Variants in ATP8B1 observed in about 807,000 individuals in gnomAD.
The protein encoded by ATP8B1 is ATPase phospholipid transporting 8B1.
A neutral mutation model predicts 149.9 loss-of-function variants in ATP8B1; 80 were observed. The observed-to-expected ratio is 0.53, with a 90% CI of 0.45 to 0.64. The LOEUF is 0.64. ATP8B1 is among the 30% of genes least tolerant of loss of function. The pLI is 0.00. For missense variants in ATP8B1, 1,247 were observed against 1,552.6 expected, an observed-to-expected ratio of 0.80 and a Z score of 3.31; for synonymous variants, 536 against 562.8, an observed-to-expected ratio of 0.95 and a Z score of 0.67.
intron 2 of ATP8B1, among the ~76,000 whole-genome samples, chr18:57,707,116 C>A (rs548734193): frequency 1.3e-5 from 2 of 152,226 alleles, no homozygotes; most frequent in South Asian, 4.1e-4. Context: ...ACCAGCCTGG[C>A]CAAGGTGGTG....
At chr18:57,795,302 C>T (rs1372840692) in intron 1 of ATP8B1, among the ~76,000 whole-genome samples, 1 of 151,764 alleles carries the variant, frequency 6.6e-6, no homozygotes, top group Admixed American at 6.6e-5. Flanking sequence ...ATTTGGGAGG[C>T]TGAAGCGGGA....
chr18:57,673,809 G>A (rs1048636331), intron 16 of ATP8B1, among the ~76,000 whole-genome samples: 12 of 151,990 alleles, frequency 7.9e-5, no homozygotes, highest in South Asian at 2.1e-4. Flanking sequence ...TTCAAATTAC[G>A]AATTTAAAGC....
At chr18:57,658,507 G>C (rs1910158904) in intron 22 of ATP8B1, among the ~76,000 whole-genome samples, 1 of 152,196 alleles carries the variant, frequency 6.6e-6, no homozygotes, top group Non-Finnish European at 1.5e-5. Context: ...GAAACATGGT[G>C]GGTCATGATT....
intron 1 of ATP8B1, among the ~76,000 whole-genome samples, chr18:57,794,790 CAAAAAGAA>C (rs1437557604): frequency 9.3e-6 from 1 of 107,392 alleles, no homozygotes; most frequent in Admixed American, 1.0e-4. Context: ...AACTCCGCCT[CAAAAAGAA>C]AGAAAGAAAG....
At chr18:57,679,000 A>G (rs3018223) in intron 15 of ATP8B1, among the ~76,000 whole-genome samples, 124,441 of 128,888 alleles carry the variant, frequency 0.97, 60,311 homozygotes, top group East Asian at 1. Flanking sequence ...ACCCGACTTC[A>G]ATTCCCAGCC....
In ATP8B1 at chr18:57,671,555, C is replaced by G. The variant is rs375040598; in HGVS notation, c.1845G>C (p.Lys615Asn). 1.9e-6 allele frequency: 3 copies of G among 1,613,748 alleles called. No homozygotes were observed. Among genetic ancestry groups the G allele is most frequent in the Non-Finnish European group, 2.5e-6 (3 of 1,179,812 alleles). ...CAGTGTCAGCACCTTTACAGTAAAG[C>G]TTGATATTGCCTTCTGGGGTTCTTA... Reference protein sequence around the residue: ...IIVRTPEGNIKLYCKGADTVI... With the variant: ...IIVRTPEGNINLYCKGADTVI... Residue 615 changes from lysine to asparagine, a missense_variant, in exon 17 of 28, where the codon AAG (lysine) becomes AAC (asparagine). Physicochemically the swap from Lys to Asn is moderately conservative, Grantham distance 94. Around this residue, in one of 3 missense-constraint regions of ATP8B1, gnomAD observed 853 missense variants for 1,035.7 expected, o/e 0.82. Coordinates refer to ENST00000648908, the MANE Select transcript of ATP8B1 (RefSeq NM_001374385.1).
intron 1 of ATP8B1, among the ~76,000 whole-genome samples, chr18:57,792,541 C>T (rs1003274032): frequency 6.6e-6 from 1 of 152,016 alleles, no homozygotes; most frequent in Non-Finnish European, 1.5e-5. Context: ...TGCCCGGAAT[C>T]GGCAAACCCA....
At chr18:57,664,409 G>T (rs1910725465) in intron 20 of ATP8B1, among the ~76,000 whole-genome samples, 2 of 150,974 alleles carry the variant, frequency 1.3e-5, no homozygotes, top group African/African-American at 4.9e-5. Context: ...GGGAGGCTGA[G>T]GCATGAGGAT....
intron 1 of ATP8B1, among the ~76,000 whole-genome samples, chr18:57,761,356 T>C (rs1005945577): frequency 1.3e-5 from 2 of 152,128 alleles, no homozygotes; most frequent in African/African-American, 4.8e-5. Context: ...GAGAGAACTA[T>C]TCTCTACTCT....
intron 2 of ATP8B1, among the ~76,000 whole-genome samples, chr18:57,727,690 G>A (rs1221616576): frequency 6.6e-6 from 1 of 152,190 alleles, no homozygotes; most frequent in African/African-American, 2.4e-5. Context: ...TTGGGAGGCT[G>A]AGGCAGGAGA....
intron 23 of ATP8B1, 21 bp downstream of exon 23, chr18:57,655,173 A>G (rs1568180273): frequency 3.2e-6 from 5 of 1,569,004 alleles, no homozygotes; most frequent in Non-Finnish European, 3.5e-6. Flanking sequence ...GTAAATAACA[A>G]TAATAACAAC....
Position 57,650,439 on chromosome 18 carries a change from A to C in ATP8B1, c.3459T>G (p.Val1153=). The change falls in exon 27 of 28, where the codon GTT becomes GTG. Residue 1153 remains valine (V), a synonymous_variant. Transcript: ENST00000648908. ...CAACGACGGGTAGTAAGCACACAGC[A>C]ACAGCCAGGATGATAGTTAACCAAA... ...PYIWLTIILA[V]AVCLLPVVAI... 6.2e-7 allele frequency: 1 copy of C among 1,614,076 alleles called. No homozygotes were observed. The highest frequency in any genetic ancestry group is 8.5e-7 in the Non-Finnish European group (1 of 1,179,940).
At chr18:57,718,158 C>G (rs924943904) in intron 2 of ATP8B1, among the ~76,000 whole-genome samples, 2 of 90,580 alleles carry the variant, frequency 2.2e-5, no homozygotes, top group African/African-American at 8.3e-5. Flanking sequence ...TAAATAAAAT[C>G]AGAGCTGAAA....
chr18:57,650,610 A>G, intron 26 of ATP8B1, 113 bp from the exon 27 acceptor site: 1 of 1,312,892 alleles, frequency 7.6e-7, no homozygotes, highest in Non-Finnish European at 1.1e-6. Context: ...TGAGAGGCCA[A>G]GGTGGGTGGA....
At chr18:57,778,419 A>T (rs1346791137) in intron 1 of ATP8B1, among the ~76,000 whole-genome samples, 1 of 150,362 alleles carries the variant, frequency 6.7e-6, no homozygotes, top group African/African-American at 2.4e-5. Context: ...TTTAATAGAG[A>T]CGGGGTTTCA....
At chr18:57,680,411 C>T (rs62092570) in intron 15 of ATP8B1, among the ~76,000 whole-genome samples, 13,599 of 149,642 alleles carry the variant, frequency 0.091, 689 homozygotes, top group Middle Eastern at 0.14. Flanking sequence ...CATGGAGAAA[C>T]CCCATCTCTA....
At chr18:57,680,586 A>G (rs373370664) in intron 15 of ATP8B1, among the ~76,000 whole-genome samples, 2 of 47,444 alleles carry the variant, frequency 4.2e-5, no homozygotes, top group Admixed American at 1.5e-4. Flanking sequence ...CTTGGTCTCA[A>G]AAACAAAACA....
intron 15 of ATP8B1, 137 bp from the exon 16 acceptor site, chr18:57,675,159 G>T: frequency 1.2e-6 from 1 of 808,136 alleles, no homozygotes; most frequent in Non-Finnish European, 2.0e-6. Flanking sequence ...ACGAGTCATT[G>T]ACTTGGAAGG....
rs222581 is a variant in ATP8B1 at position 57,650,444 on chromosome 18, C to T, written c.3454G>A (p.Ala1152Thr). The change falls in exon 27 of 28, where the codon GCT becomes ACT. Residue 1152 changes from alanine to threonine, a missense_variant. Ala to Thr is a moderately conservative substitution (Grantham distance 58, BLOSUM62 0). Transcript: ENST00000648908. The part of the protein sequence containing the change: ...QPYIWLTIIL[A>T]VAVCLLPVVA... ...ACGGGTAGTAAGCACACAGCAACAG[C>T]CAGGATGATAGTTAACCAAATGTAT... is the stretch of plus-strand genomic sequence containing the variant. The T allele has an allele frequency of 1, 1,613,816 of 1,614,082 alleles. 806,775 individuals carry two copies. Among genetic ancestry groups the T allele is most frequent in the East Asian group, 1 (44,884 of 44,884 alleles).
Sources: gnomAD v4.1 joint callset for allele counts (sites outside exome capture counted in the v4.1 genomes callset) on GRCh38, gnomAD v4.1.1 for gene constraint, gnomAD v4.1.1 regional missense constraint, MANE v1.5 for transcripts, NCBI Gene and HGNC (gene_info 2026-07-23, HGNC 2026-07-21) for gene names.